Variants in HTRA3 observed in about 807,000 individuals in gnomAD.
The protein encoded by HTRA3 is HtrA serine peptidase 3, also known as serine protease HTRA3.
In HTRA3, 41 loss-of-function variants were observed where a neutral mutation model predicts 43.2. The observed-to-expected ratio is 0.95, with a 90% CI of 0.74 to 1.23. The LOEUF (loss-of-function observed/expected upper bound fraction) is 1.23, where lower values mean the gene tolerates loss of function less well. Among genes scored for constraint, HTRA3 ranks in the 50% most tolerant of loss-of-function variants. The pLI is 0.00. For missense variants in HTRA3, 628 were observed against 647.1 expected (o/e 0.97, Z 0.32); for synonymous variants, 295 against 287.9 (o/e 1.02, Z -0.25).
chr4:8,286,870 GC>G lies in HTRA3; in HGVS notation c.708+91del. On this transcript the variant is annotated intron_variant, in intron 3 of 8. Coordinates refer to ENST00000307358, the MANE Select transcript of HTRA3 (RefSeq NM_053044.5). This position sits in a 1 kb window ranked among gnomAD's most constrained non-coding sequence, Gnocchi z 4.9. Reference sequence around the variant, plus strand: ...GACGCCGGAACCCAGAGGCAAGCTAGCCCCACCTTCCATCAGCCAGGGGGAG... The same window carrying G: ...GACGCCGGAACCCAGAGGCAAGCTAGCCCACCTTCCATCAGCCAGGGGGAG... 2.0e-6 allele frequency: 2 copies of G among 1,002,474 alleles called. No homozygotes were observed. The highest frequency in any genetic ancestry group is 1.5e-5 in the South Asian group (1 of 64,628). The allele number at this position is 1,002,474 out of a possible 1,614,324, so 62.1% of individuals were successfully genotyped here.
rs757731226 is a variant in HTRA3, at chr4:8,295,668, C to T, written c.1051+1467C>T. On this transcript the variant is annotated intron_variant, in intron 6 of 8. Transcript: ENST00000307358. The surrounding 1 kb of genome is among the most constrained non-coding windows in gnomAD (Gnocchi z 6.9). ...AGGCCTGACTCAGCAACTCACACTT[C>T]CACATTGCTTTGCTGTCTCCTCCCA... The T allele has an allele frequency of 1.1e-4, 157 of 1,410,226 alleles. 2 individuals are homozygous for T. The highest frequency in any genetic ancestry group is 5.5e-4 in the Admixed American group (21 of 38,360). 87.4% of individuals were successfully genotyped at this position (1,410,226 alleles called of 1,614,324 possible). A position where few individuals can be genotyped will look rare whatever the true frequency, so the allele number is the denominator to read the frequency against.
At position 8,275,104 on chromosome 4, in the gene HTRA3, C is replaced by T. The variant is rs142441457; in HGVS notation, c.385+4751C>T. 4.9e-3 allele frequency among the ~76,000 whole-genome samples: 745 copies of T among 152,288 alleles called. 10 individuals are homozygous for T. The highest frequency in any genetic ancestry group is 0.017 in the African/African-American group (698 of 41,564). On this transcript the variant is annotated intron_variant, in intron 1 of 8. Coordinates refer to ENST00000307358, the MANE Select transcript of HTRA3 (RefSeq NM_053044.5). ...GCGGCACTGGAGGACTTGGAACTGC[C>T]GGCAGAGCTGCTTGGCCAAGAGCTT... is the stretch of plus-strand genomic sequence containing the variant.
chr4:8,281,625 G>A (rs946814890), intron 1 of HTRA3, among the ~76,000 whole-genome samples: 9 of 152,252 alleles, frequency 5.9e-5, no homozygotes, highest in African/African-American at 1.7e-4. Flanking sequence ...AGGCTGAGCA[G>A]CATGTGTTCC....
intron 1 of HTRA3, among the ~76,000 whole-genome samples, chr4:8,281,798 C>T (rs376996135): frequency 8.5e-5 from 13 of 152,244 alleles, no homozygotes; most frequent in Admixed American, 2.6e-4. Flanking sequence ...CAGGGAAGTT[C>T]GTGAACCATC....
At position 8,304,306 on chromosome 4, in the gene HTRA3, G is replaced by A. The variant is rs767193146; in HGVS notation, c.1196+27G>A. The stretch of plus-strand genomic sequence containing the variant: ...TAGGCTCTGCCAGAGGAGATCGCTC[G>A]AGGCATGGGGCAGGCGTGAGGTCTG... On this transcript the variant is annotated intron_variant, in intron 8 of 8. Coordinates refer to ENST00000307358, the MANE Select transcript of HTRA3 (RefSeq NM_053044.5). 34 of 1,585,306 alleles carry A rather than the reference G, an allele frequency of 2.1e-5. No homozygotes were observed. In the African/African-American group the frequency reaches 2.3e-4, roughly 11 times the overall value.
At chr4:8,278,536 T>C (rs943095169) in intron 1 of HTRA3, among the ~76,000 whole-genome samples, 3 of 152,072 alleles carry the variant, frequency 2.0e-5, no homozygotes, top group African/African-American at 7.2e-5. Context: ...GGGCCCACGG[T>C]TTTCCTGTGG....
intron 1 of HTRA3, among the ~76,000 whole-genome samples, chr4:8,277,079 C>T (rs1271483945): frequency 6.6e-6 from 1 of 152,236 alleles, no homozygotes; most frequent in African/African-American, 2.4e-5. Context: ...CCTCATCCCG[C>T]CTGCGTTCCA....
At chr4:8,305,666 G>A (rs966493570) in intron 8 of HTRA3, among the ~76,000 whole-genome samples, 4 of 152,178 alleles carry the variant, frequency 2.6e-5, no homozygotes, top group African/African-American at 9.7e-5. Context: ...CACATAGGAT[G>A]GTAGACATGA....
chr4:8,275,798 G>T (rs1029608100), intron 1 of HTRA3, among the ~76,000 whole-genome samples: 7 of 152,246 alleles, frequency 4.6e-5, no homozygotes, highest in Non-Finnish European at 8.8e-5. Flanking sequence ...GGTCCTGTAT[G>T]AGAAAGGGTT....
rs1016676194 is a variant in HTRA3 at position 8,281,593 on chromosome 4, C to T, written c.386-844C>T. Among the ~76,000 whole-genome samples the T allele has an allele frequency of 6.6e-5, 10 of 152,236 alleles. No homozygotes were observed. The South Asian group carries it at 8.3e-4, about 13-fold the overall frequency. The stretch of plus-strand genomic sequence containing the variant: ...CAGCCCCCAGCCCAGTTGCTCATTG[C>T]GGGGCTCGGGAGCCACGAGCGAGGC... On this transcript the variant is annotated intron_variant, in intron 1 of 8. Transcript: ENST00000307358.
Position 8,297,166 on chromosome 4 carries a change from G to GAA in HTRA3, c.1051+2966_1051+2967dup, listed in dbSNP as rs1367846825. Among the ~76,000 whole-genome samples the GAA allele has an allele frequency of 7.2e-5, 11 of 152,058 alleles. No homozygotes were observed. Among genetic ancestry groups the GAA allele is most frequent in the African/African-American group, 2.4e-4 (10 of 41,418 alleles). On this transcript the variant is annotated intron_variant, in intron 6 of 8. Coordinates refer to ENST00000307358, the MANE Select transcript of HTRA3 (RefSeq NM_053044.5). This position sits in a 1 kb window ranked among gnomAD's most constrained non-coding sequence, Gnocchi z 5.8. Reference sequence around the variant, plus strand: ...CTTCCCAATAGTGGAAAAGTCTGGGGAAGGCAGCCCAGCCACCTGGCAGGA... The same window carrying GAA: ...CTTCCCAATAGTGGAAAAGTCTGGGGAAAAGGCAGCCCAGCCACCTGGCAGGA...
chr4:8,270,540 C>T (rs1712227588), intron 1 of HTRA3, among the ~76,000 whole-genome samples, 187 bp downstream of exon 1: 1 of 152,204 alleles, frequency 6.6e-6, no homozygotes, highest in Non-Finnish European at 1.5e-5. Flanking sequence ...AACCGCTGTC[C>T]CCAAGGTCAC....
intron 3 of HTRA3, among the ~76,000 whole-genome samples, chr4:8,288,259 C>G (rs1280338160): frequency 6.6e-6 from 1 of 152,170 alleles, no homozygotes; most frequent in African/African-American, 2.4e-5. Context: ...TGCTCACGGA[C>G]AGGAGTTGGC....
chr4:8,282,349 C>G (rs1712781461), intron 1 of HTRA3, 88 bp from the exon 2 acceptor site: 1 of 1,036,292 alleles, frequency 9.6e-7, no homozygotes, highest in Non-Finnish European at 1.4e-6. Context: ...CAGGAAGAGC[C>G]TCCTCCTTCT....
At position 8,295,694 on chromosome 4, in the gene HTRA3, GC is replaced by G; in HGVS notation, c.1051+1498del. 2.1e-6 allele frequency: 3 copies of G among 1,417,548 alleles called. No individual in the cohort carries two copies. The highest frequency in any genetic ancestry group is 2.6e-5 in the Admixed American group (1 of 38,818). The allele number at this position is 1,417,548 out of a possible 1,614,324, so 87.8% of individuals were successfully genotyped here. ...CACATTGCTTTGCTGTCTCCTCCCA[GC>G]CCCCTCACTGGCAGTTCATTGAGAG... On this transcript the variant is annotated intron_variant, in intron 6 of 8. Coordinates refer to ENST00000307358, the MANE Select transcript of HTRA3 (RefSeq NM_053044.5). This position sits in a 1 kb window ranked among gnomAD's most constrained non-coding sequence, Gnocchi z 6.9.
intron 3 of HTRA3, among the ~76,000 whole-genome samples, chr4:8,289,183 C>T (rs925767155): frequency 6.6e-6 from 1 of 151,454 alleles, no homozygotes; most frequent in African/African-American, 2.4e-5. Context: ...CTCGTGGGCT[C>T]AAGCAATCCT....
chr4:8,290,188 G>A (rs1211301874), intron 3 of HTRA3, among the ~76,000 whole-genome samples: 3 of 152,256 alleles, frequency 2.0e-5, no homozygotes, highest in Non-Finnish European at 4.4e-5. Flanking sequence ...GGAGCGGCCT[G>A]AGTCTTTCCC....
At chr4:8,298,684 G>A (rs1713539035) in intron 6 of HTRA3, among the ~76,000 whole-genome samples, 1 of 152,196 alleles carries the variant, frequency 6.6e-6, no homozygotes, top group Admixed American at 6.5e-5. Flanking sequence ...TTTAAATAGT[G>A]CAAAGTATAG....
In HTRA3 at chr4:8,306,672, G is replaced by C. The variant is rs1419107497; in HGVS notation, c.*536G>C. ...ACATCTGATCCCTTTGGGGTGCGGG[G>C]GTGGGGTCCAGCCCAGAGCAGGCAC... On this transcript the variant is annotated 3_prime_UTR_variant, in exon 9 of 9. Coordinates refer to ENST00000307358, the MANE Select transcript of HTRA3 (RefSeq NM_053044.5). This position sits in a 1 kb window ranked among gnomAD's most constrained non-coding sequence, Gnocchi z 8.9. 1 of 152,534 alleles carries C rather than the reference G, an allele frequency of 6.6e-6. No homozygotes were observed. The highest frequency in any genetic ancestry group is 2.5e-5 in the African/African-American group (1 of 40,566). 9.4% of individuals were successfully genotyped at this position (152,534 alleles called of 1,614,324 possible). A position where few individuals can be genotyped will look rare whatever the true frequency, so the allele number is the denominator to read the frequency against.
Sources: gnomAD v4.1 joint callset for allele counts (sites outside exome capture counted in the v4.1 genomes callset) on GRCh38, gnomAD v4.1.1 for gene constraint, Gnocchi (gnomAD v3.1) non-coding constraint, MANE v1.5 for transcripts, NCBI Gene and HGNC (gene_info 2026-07-23, HGNC 2026-07-21) for gene names.